STARD13: variants seen among roughly 807,000 people sequenced by gnomAD.
STARD13 encodes StAR related lipid transfer domain containing 13.
A neutral mutation model predicts 106.4 loss-of-function variants in STARD13; 62 were observed. The ratio of observed to expected loss-of-function variants is 0.58; its 90% CI spans 0.48 to 0.72. The LOEUF (loss-of-function observed/expected upper bound fraction) is 0.72, where lower values mean the gene tolerates loss of function less well. Among genes scored for constraint, STARD13 ranks in the 30% least tolerant of loss-of-function variants. The pLI is 0.00. For missense variants in STARD13, 1,387 were observed against 1,424.0 expected, an observed-to-expected ratio of 0.97 and a Z score of 0.42; for synonymous variants, 565 against 553.0, an observed-to-expected ratio of 1.02 and a Z score of -0.31.
chr13:33,176,425 T>G lies in STARD13; in HGVS notation c.170-8803A>C, dbSNP rs115383218. On this transcript the variant is annotated intron_variant, in intron 1 of 13. Transcript: ENST00000336934. ...TGATTTTCTAAACATGCATCACTCA[T>G]TCCAGGAATAAAGATTACATTCAAG... Among the ~76,000 whole-genome samples, 951 of 152,296 alleles carry G rather than the reference T, an allele frequency of 6.2e-3. 13 individuals are homozygous for G. The highest frequency in any genetic ancestry group is 0.022 in the African/African-American group (906 of 41,568).
intron 7 of STARD13, among the ~76,000 whole-genome samples, chr13:33,123,738 A>T (rs604260): frequency 0.3 from 46,085 of 152,128 alleles, 8,139 homozygotes; most frequent in Non-Finnish European, 0.41. Context: ...AGTGTGGAAG[A>T]CAAAAGGCTG....
the STARD13 span, among the ~76,000 whole-genome samples, chr13:33,360,726 AC>A: frequency 1.4e-4 from 19 of 134,646 alleles, no homozygotes; most frequent in East Asian, 4.8e-4. Context: ...AGACAGAAGG[AC>A]ATATTGTTGA....
the STARD13 span, among the ~76,000 whole-genome samples, chr13:33,577,388 T>C: frequency 1.3e-5 from 2 of 152,142 alleles, no homozygotes; most frequent in African/African-American, 4.8e-5. Context: ...ACTTAAAAGA[T>C]CAAGTCTTAT....
the STARD13 span, among the ~76,000 whole-genome samples, chr13:33,422,902 C>T: frequency 2.0e-5 from 3 of 152,134 alleles, no homozygotes; most frequent in African/African-American, 7.2e-5. Context: ...ATGTAGAAAG[C>T]TGAAACTGGA....
At chr13:33,458,243 A>C in the STARD13 span, among the ~76,000 whole-genome samples, 1 of 151,682 alleles carries the variant, frequency 6.6e-6, no homozygotes, top group African/African-American at 2.4e-5. Context: ...TAAAGTTGAA[A>C]TATATAGGTT....
At chr13:33,279,474 A>T (rs1356408240) in intron 1 of STARD13, 1 of 152,246 alleles carries the variant, frequency 6.6e-6, no homozygotes, top group Non-Finnish European at 1.5e-5. Flanking sequence ...AAGTTACAGA[A>T]CCCAAATTTG....
chr13:33,210,163 A>T (rs1169461880), intron 1 of STARD13, among the ~76,000 whole-genome samples: 1 of 152,210 alleles, frequency 6.6e-6, no homozygotes, highest in African/African-American at 2.4e-5. Context: ...GCAAAGAGCC[A>T]GGTCTATTAA....
At chr13:33,468,159 T>C in the STARD13 span, among the ~76,000 whole-genome samples, 1 of 152,220 alleles carries the variant, frequency 6.6e-6, no homozygotes, top group South Asian at 2.1e-4. Context: ...CAAGGAGATA[T>C]TCTTGTGGAC....
chr13:33,371,212 G>A, the STARD13 span, among the ~76,000 whole-genome samples: 67,856 of 151,980 alleles, frequency 0.45, 17,780 homozygotes, highest in African/African-American at 0.73. Context: ...TGCTCTAGAA[G>A]AGGTCAGCAC....
At chr13:33,636,534 T>C in the STARD13 span, among the ~76,000 whole-genome samples, 94 of 152,276 alleles carry the variant, frequency 6.2e-4, no homozygotes, top group African/African-American at 2.2e-3. Context: ...ACCCTAATTA[T>C]GGGACTATTC....
At chr13:33,518,001 G>T in the STARD13 span, among the ~76,000 whole-genome samples, 1 of 150,966 alleles carries the variant, frequency 6.6e-6, no homozygotes, top group South Asian at 2.1e-4. Context: ...AAAAACAATG[G>T]CAAAAACAAA....
intron 8 of STARD13, chr13:33,117,766 C>T (rs1479754154): frequency 1.1e-6 from 1 of 949,928 alleles, no homozygotes; most frequent in Non-Finnish European, 1.3e-6. Context: ...CTATTGTGTC[C>T]CTTTTTCATT....
At chr13:33,604,220 A>G in the STARD13 span, among the ~76,000 whole-genome samples, 1 of 152,188 alleles carries the variant, frequency 6.6e-6, no homozygotes, top group Non-Finnish European at 1.5e-5. Context: ...GAAAATCAGC[A>G]ATACATGTCA....
At chr13:33,636,314 T>A in the STARD13 span, among the ~76,000 whole-genome samples, 17 of 152,272 alleles carry the variant, frequency 1.1e-4, 1 homozygote, top group East Asian at 5.8e-4. Flanking sequence ...AAACATGATT[T>A]GTCCCTGCTC....
intron 1 of STARD13, among the ~76,000 whole-genome samples, chr13:33,265,888 T>C (rs958053561): frequency 9.2e-5 from 14 of 152,080 alleles, no homozygotes; most frequent in Non-Finnish European, 1.5e-4. Flanking sequence ...GTTCTTATCA[T>C]GGGGAGTGGG....
At chr13:33,260,507 T>C (rs191054917) in intron 1 of STARD13, among the ~76,000 whole-genome samples, 3 of 152,308 alleles carry the variant, frequency 2.0e-5, no homozygotes, top group East Asian at 1.9e-4. Context: ...ACATCCACTT[T>C]TGTCTGTTAC....
intron 1 of STARD13, among the ~76,000 whole-genome samples, chr13:33,264,155 G>A (rs1416476088): frequency 6.6e-6 from 1 of 152,226 alleles, no homozygotes; most frequent in African/African-American, 2.4e-5. Context: ...GGCTTCGGAT[G>A]TTCCTGGAGC....
chr13:33,674,285 T>C, the STARD13 span, among the ~76,000 whole-genome samples: 2 of 152,268 alleles, frequency 1.3e-5, no homozygotes, highest in African/African-American at 2.4e-5. Flanking sequence ...TGAAAATTTC[T>C]ACAATGAAAT....
At chr13:33,615,167 C>T in the STARD13 span, among the ~76,000 whole-genome samples, 1 of 152,190 alleles carries the variant, frequency 6.6e-6, no homozygotes, top group South Asian at 2.1e-4. Flanking sequence ...CAAAAGCAAT[C>T]CGCAAAAACC....
Sources: allele counts gnomAD v4.1 joint callset (sites outside exome capture counted in the v4.1 genomes callset), GRCh38; gene constraint gnomAD v4.1.1; transcripts MANE v1.5; gene names NCBI Gene and HGNC (gene_info 2026-07-23, HGNC 2026-07-21).